KLRG1: variants seen among roughly 807,000 people sequenced by gnomAD.
KLRG1 encodes the protein killer cell lectin like receptor G1.
Under a neutral mutation model 21.8 loss-of-function variants are expected in KLRG1, and 16 were observed. The observed-to-expected ratio is 0.73, with a 90% CI of 0.50 to 1.11. The LOEUF (loss-of-function observed/expected upper bound fraction) is 1.11, where lower values mean the gene tolerates loss of function less well. Ranked by LOEUF, KLRG1 falls within the 50% of genes most tolerant of loss-of-function variation. KLRG1 has a pLI of 0.00. For synonymous variants in KLRG1, 69 were observed against 75.9 expected (o/e 0.91, Z 0.47); for missense variants, 173 against 218.3 (o/e 0.79, Z 1.31).
At chr12:9,189,095 G>A in the KLRG1 span, among the ~76,000 whole-genome samples, 1 of 152,154 alleles carries the variant, frequency 6.6e-6, no homozygotes, top group African/African-American at 2.4e-5. Context: ...TAGATTTAAT[G>A]TTTTTCCTAT....
At chr12:9,095,033 A>G in the KLRG1 span, 1 of 1,597,938 alleles carries the variant, frequency 6.3e-7, no homozygotes, top group Non-Finnish European at 8.5e-7. Flanking sequence ...AGCTGTGGAC[A>G]CATTTTGGGT....
intron 1 of KLRG1, among the ~76,000 whole-genome samples, chr12:8,954,221 A>T (rs1185230768): frequency 6.6e-6 from 1 of 152,080 alleles, no homozygotes; most frequent in Non-Finnish European, 1.5e-5. Context: ...TTGTATGTGG[A>T]GTCTTGAAAA....
At chr12:9,016,285 C>T in the KLRG1 span, among the ~76,000 whole-genome samples, 5 of 151,744 alleles carry the variant, frequency 3.3e-5, no homozygotes, top group East Asian at 7.7e-4. Context: ...AAAAGAGAGA[C>T]GATCCAAATG....
chr12:9,160,986 A>G, the KLRG1 span: 1 of 1,381,032 alleles, frequency 7.2e-7, no homozygotes, highest in Non-Finnish European at 1.0e-6. Flanking sequence ...TAAGATGTAC[A>G]GTGGCAACTC....
At chr12:9,152,172 A>T in the KLRG1 span, 9 of 1,313,622 alleles carry the variant, frequency 6.9e-6, no homozygotes, top group South Asian at 1.1e-4. Context: ...GTTTGGGGAT[A>T]CAGAACATAC....
the KLRG1 span, chr12:9,192,641 A>C: frequency 1.2e-6 from 2 of 1,614,088 alleles, no homozygotes; most frequent in Non-Finnish European, 1.7e-6. Flanking sequence ...TGTAACTTCC[A>C]CTTAAGGAGA....
In KLRG1 at chr12:8,992,306, C is replaced by T; in HGVS notation, c.183C>T (p.Cys61=). ...TGCTGCTATACCAGTGGATCCTGTG[C>T]CAGGGTAAGTGCAAACTTAAACCAA... ...LSVLLYQWIL[C]QGSNYSTCAS... Residue 61 remains cysteine (C), a synonymous_variant, in exon 2 of 5, where the codon TGC becomes TGT. Coordinates refer to ENST00000356986, the MANE Select transcript of KLRG1 (RefSeq NM_005810.4). The T allele has an allele frequency of 6.2e-7, 1 of 1,606,794 alleles. No homozygotes were observed. Among genetic ancestry groups the T allele is most frequent in the Non-Finnish European group, 8.5e-7 (1 of 1,175,890 alleles).
chr12:9,180,122 G>A, the KLRG1 span, among the ~76,000 whole-genome samples: 1 of 152,010 alleles, frequency 6.6e-6, no homozygotes, highest in Admixed American at 6.6e-5. Flanking sequence ...CTCAATAGAG[G>A]CTTATTTATT....
At chr12:9,079,757 G>A in the KLRG1 span, 1 of 1,613,306 alleles carries the variant, frequency 6.2e-7, no homozygotes, top group Non-Finnish European at 8.5e-7. Flanking sequence ...GCTCTCCACA[G>A]CCATAGGGCA....
chr12:9,090,352 T>C, the KLRG1 span: 2 of 1,614,002 alleles, frequency 1.2e-6, no homozygotes, highest in South Asian at 2.2e-5. Context: ...AGTTTTTTGC[T>C]CACCTAATGA....
At chr12:9,027,959 A>G in the KLRG1 span, 747 of 950,420 alleles carry the variant, frequency 7.9e-4, 3 homozygotes, top group African/African-American at 0.011. Flanking sequence ...GTGCTTTCCT[A>G]ACTTCACAGT....
At chr12:9,056,338 G>A in the KLRG1 span, among the ~76,000 whole-genome samples, 379 of 152,226 alleles carry the variant, frequency 2.5e-3, 2 homozygotes, top group African/African-American at 8.5e-3. Context: ...AGTATAATCC[G>A]TTACTCTGGT....
the KLRG1 span, chr12:9,159,885 A>C: frequency 4.2e-6 from 6 of 1,423,800 alleles, no homozygotes; most frequent in Non-Finnish European, 5.9e-6. Flanking sequence ...CAGGTAATCT[A>C]TGTGCACGTT....
the KLRG1 span, among the ~76,000 whole-genome samples, chr12:9,142,596 ATT>A: frequency 1.3e-5 from 2 of 152,306 alleles, no homozygotes; most frequent in South Asian, 2.1e-4. Flanking sequence ...AGGCCAGTCA[ATT>A]AGAGCTTTTT....
the KLRG1 span, among the ~76,000 whole-genome samples, chr12:9,190,669 C>T: frequency 6.6e-6 from 1 of 152,180 alleles, no homozygotes; most frequent in South Asian, 2.1e-4. Context: ...CATAACAAAC[C>T]TGAACATGAA....
At chr12:9,089,633 C>T in the KLRG1 span, among the ~76,000 whole-genome samples, 1 of 152,018 alleles carries the variant, frequency 6.6e-6, no homozygotes, top group Non-Finnish European at 1.5e-5. Flanking sequence ...CCCAGCTACT[C>T]AGGAGGCTGA....
the KLRG1 span, among the ~76,000 whole-genome samples, chr12:9,042,780 G>A: frequency 6.6e-6 from 1 of 152,088 alleles, no homozygotes; most frequent in Admixed American, 6.6e-5. Flanking sequence ...TTTATAGTCA[G>A]GAAGCAGTTT....
At chr12:9,120,859 G>A in the KLRG1 span, among the ~76,000 whole-genome samples, 4 of 150,156 alleles carry the variant, frequency 2.7e-5, no homozygotes, top group African/African-American at 9.8e-5. Flanking sequence ...TAACGTGTGT[G>A]TGTGTGTGTG....
At chr12:9,200,456 T>C in the KLRG1 span, 2 of 1,579,772 alleles carry the variant, frequency 1.3e-6, no homozygotes, top group Non-Finnish European at 8.7e-7. Context: ...GCACTGTTAA[T>C]AGAGATAATA....
Sources: allele counts gnomAD v4.1 joint callset (sites outside exome capture counted in the v4.1 genomes callset), GRCh38; gene constraint gnomAD v4.1.1; transcripts MANE v1.5; gene names NCBI Gene and HGNC (gene_info 2026-07-23, HGNC 2026-07-21).